Variants in RALGAPA2 observed in about 807,000 individuals in gnomAD.
The protein encoded by RALGAPA2 is Ral GTPase activating protein catalytic subunit alpha 2, also known as ral GTPase-activating protein subunit alpha-2.
A neutral mutation model predicts 230.4 loss-of-function variants in RALGAPA2; 139 were observed. The observed-to-expected ratio is 0.60, with a 90% CI of 0.53 to 0.69. The LOEUF (loss-of-function observed/expected upper bound fraction) is 0.69. RALGAPA2 is among the 30% of genes least tolerant of loss of function. The pLI, the probability that RALGAPA2 is intolerant of heterozygous loss-of-function variation, is 0.00. For missense variants in RALGAPA2, 2,163 were observed against 2,276.0 expected (o/e 0.95, Z 1.01); for synonymous variants, 847 against 837.8 (o/e 1.01, Z -0.19).
chr20:20,712,276 CCCCAGCCT>C lies in RALGAPA2; in HGVS notation c.106+91_106+98del, dbSNP rs2069911726. On this transcript the variant is annotated intron_variant, in intron 1 of 39. Transcript: ENST00000202677. The surrounding 1 kb of genome is among the most constrained non-coding windows in gnomAD (Gnocchi z 5.5). ...GGGTCGGACGCCCACCCATCCCCCT[CCCCAGCCT>C]CCCAGCCACCGACCCCTGCACAGAG... 22 of 908,806 alleles carry C rather than the reference CCCCAGCCT, an allele frequency of 2.4e-5. No individual in the cohort carries two copies. The highest frequency in any genetic ancestry group is 7.9e-5 in the East Asian group (2 of 25,164). 56.3% of individuals were successfully genotyped at this position (908,806 alleles called of 1,614,324 possible).
intron 37 of RALGAPA2, among the ~76,000 whole-genome samples, chr20:20,456,934 T>C (rs981715552): frequency 3.3e-5 from 5 of 152,090 alleles, no homozygotes; most frequent in South Asian, 2.1e-4. Context: ...TCCTCCCACC[T>C]CCTGAGGAGC....
intron 37 of RALGAPA2, among the ~76,000 whole-genome samples, chr20:20,464,026 G>A (rs749246910): frequency 6.6e-6 from 1 of 152,138 alleles, no homozygotes; most frequent in Non-Finnish European, 1.5e-5. Flanking sequence ...TGGTCCCTAT[G>A]GAAACGAAAC....
chr20:20,627,468 C>T (rs2066523979), intron 10 of RALGAPA2, among the ~76,000 whole-genome samples: 1 of 152,182 alleles, frequency 6.6e-6, no homozygotes, highest in South Asian at 2.1e-4. Context: ...CCCAGTGCCA[C>T]CTTGTCTACA....
At chr20:20,546,226 T>C (rs1379870941) in intron 24 of RALGAPA2, among the ~76,000 whole-genome samples, 1 of 152,242 alleles carries the variant, frequency 6.6e-6, no homozygotes, top group African/African-American at 2.4e-5. Context: ...TATTCTGGCA[T>C]GTTATTAAGA....
intron 36 of RALGAPA2, among the ~76,000 whole-genome samples, chr20:20,476,817 A>ATGGTCCATCCAGAGGAGG (rs2061662908): frequency 6.6e-6 from 1 of 152,138 alleles, no homozygotes; most frequent in African/African-American, 2.4e-5. Flanking sequence ...GAACATAGCC[A>ATGGTCCATCCAGAGGAGG]CAAGGTCCAT....
Position 20,494,515 on chromosome 20 carries a change from T to C in RALGAPA2, c.5367+602A>G, listed in dbSNP as rs539481996. Among the ~76,000 whole-genome samples, 9 of 152,342 alleles carry C rather than the reference T, an allele frequency of 5.9e-5. No homozygotes were observed. The South Asian group carries it at 1.0e-3, about 18-fold the overall frequency. On this transcript the variant is annotated intron_variant, in intron 36 of 39. Coordinates refer to ENST00000202677, the MANE Select transcript of RALGAPA2 (RefSeq NM_020343.4). The stretch of plus-strand genomic sequence containing the variant: ...AATTTAGTACACAGCACACAGATCA[T>C]TGGATTGTTCCAGCTCTTCCCATGA...
intron 37 of RALGAPA2, among the ~76,000 whole-genome samples, chr20:20,419,681 A>G (rs2060236730): frequency 6.6e-6 from 1 of 152,272 alleles, no homozygotes; most frequent in African/African-American, 2.4e-5. Context: ...TGCATTAAGA[A>G]TGACAAAACC....
In RALGAPA2 at chr20:20,712,283, C is replaced by CAA; in HGVS notation, c.106+91_106+92insTT. On this transcript the variant is annotated intron_variant, in intron 1 of 39. Coordinates refer to ENST00000202677, the MANE Select transcript of RALGAPA2 (RefSeq NM_020343.4). This position sits in a 1 kb window ranked among gnomAD's most constrained non-coding sequence, Gnocchi z 5.5. The stretch of plus-strand genomic sequence containing the variant: ...ACGCCCACCCATCCCCCTCCCCAGC[C>CAA]TCCCAGCCACCGACCCCTGCACAGA... 8.3e-7 allele frequency: 1 copy of CAA among 1,210,680 alleles called. No individual in the cohort carries two copies. Among genetic ancestry groups the CAA allele is most frequent in the Non-Finnish European group, 1.1e-6 (1 of 889,026 alleles). 75.0% of individuals were successfully genotyped at this position (1,210,680 alleles called of 1,614,324 possible).
Position 20,637,468 on chromosome 20 carries a change from G to T in RALGAPA2, c.700C>A (p.Gln234Lys). The T allele has an allele frequency of 1.3e-6, 2 of 1,570,420 alleles. No homozygotes were observed. Among genetic ancestry groups the T allele is most frequent in the Non-Finnish European group, 1.7e-6 (2 of 1,155,724 alleles). Residue 234 changes from glutamine to lysine, a missense_variant, in exon 8 of 40, where the codon CAA becomes AAA. Transcript: ENST00000202677. The stretch of plus-strand genomic sequence containing the variant: ...AAAAGAAATTTAAAACCAGTATCTT[G>T]ATTCTCCTTATTCTTCCACTCCAAG... ...ASLEWKNKEN[Q>K]DTGFKFLFTL...
intron 23 of RALGAPA2, among the ~76,000 whole-genome samples, chr20:20,551,861 T>C (rs911982130): frequency 2.6e-5 from 4 of 152,124 alleles, no homozygotes; most frequent in African/African-American, 9.7e-5. Context: ...CTTCCAACAA[T>C]TACACAAAAT....
At chr20:20,565,171 G>A (rs2064374687) in intron 23 of RALGAPA2, among the ~76,000 whole-genome samples, 1 of 152,138 alleles carries the variant, frequency 6.6e-6, no homozygotes, top group African/African-American at 2.4e-5. Context: ...TATTTCCAGG[G>A]ATTTGAGATA....
chr20:20,472,689 C>G, intron 37 of RALGAPA2, 140 bp downstream of exon 37: 1 of 761,814 alleles, frequency 1.3e-6, no homozygotes, highest in African/African-American at 1.8e-5. Flanking sequence ...TGAAAAACCA[C>G]TATGTTATTT....
At chr20:20,537,621 A>T (rs1308485444) in intron 24 of RALGAPA2, among the ~76,000 whole-genome samples, 1 of 136,946 alleles carries the variant, frequency 7.3e-6, no homozygotes, top group Non-Finnish European at 1.5e-5. Flanking sequence ...CTCCATCTCA[A>T]AAAAAAAAAA....
At chr20:20,468,963 TTGTGTGTGTG>T (rs754994354) in intron 37 of RALGAPA2, among the ~76,000 whole-genome samples, 1 of 143,292 alleles carries the variant, frequency 7.0e-6, no homozygotes, top group African/African-American at 2.5e-5. Flanking sequence ...GTGTGTGTGT[TTGTGTGTGTG>T]TGTGTGTGTG....
chr20:20,628,014 G>C (rs1288445872), intron 10 of RALGAPA2, among the ~76,000 whole-genome samples: 1 of 152,192 alleles, frequency 6.6e-6, no homozygotes, highest in Non-Finnish European at 1.5e-5. Context: ...AGAAGACACA[G>C]AGAGTGAGAA....
intron 37 of RALGAPA2, among the ~76,000 whole-genome samples, chr20:20,450,103 T>C (rs1465072181): frequency 6.6e-6 from 1 of 152,240 alleles, no homozygotes; most frequent in Non-Finnish European, 1.5e-5. Context: ...AGAGGTAGAA[T>C]ATAAATGGAT....
At chr20:20,621,602 T>C (rs928395001) in intron 10 of RALGAPA2, among the ~76,000 whole-genome samples, 14 of 152,220 alleles carry the variant, frequency 9.2e-5, no homozygotes, top group African/African-American at 3.1e-4. Context: ...CTATCAATGT[T>C]AACAAGAGCC....
chr20:20,606,873 C>T (rs1174007068), intron 14 of RALGAPA2, among the ~76,000 whole-genome samples: 3 of 152,158 alleles, frequency 2.0e-5, no homozygotes, highest in African/African-American at 7.2e-5. Context: ...CCAAAATATT[C>T]ACCATCCTTT....
intron 4 of RALGAPA2, among the ~76,000 whole-genome samples, chr20:20,647,342 T>C (rs1271338489): frequency 6.6e-6 from 1 of 152,142 alleles, no homozygotes; most frequent in African/African-American, 2.4e-5. Flanking sequence ...AGAAACTCCC[T>C]CTGGGCTAAT....
Sources: gnomAD v4.1 joint callset for allele counts (sites outside exome capture counted in the v4.1 genomes callset) on GRCh38, gnomAD v4.1.1 for gene constraint, Gnocchi (gnomAD v3.1) non-coding constraint, MANE v1.5 for transcripts, NCBI Gene and HGNC (gene_info 2026-07-23, HGNC 2026-07-21) for gene names.